The following DRC1 variants were observed in gnomAD, a reference collection of about 807,000 sequenced individuals.
DRC1 encodes dynein regulatory complex subunit 1, also known as dynein regulatory complex protein 1.
DRC1 carries 74 observed loss-of-function variants against 98.7 expected under a neutral mutation model. That is an observed-to-expected ratio of 0.75 (90% CI 0.62 to 0.91). The LOEUF (loss-of-function observed/expected upper bound fraction) is 0.91. DRC1 is among the 40% of genes least tolerant of loss of function. DRC1 has a pLI of 0.00. For missense variants in DRC1, 875 were observed against 886.0 expected, an observed-to-expected ratio of 0.99 and a Z score of 0.16; for synonymous variants, 336 against 334.1, an observed-to-expected ratio of 1.01 and a Z score of -0.06.
chr2:26,409,713 G>A (rs891561995), intron 1 of DRC1, among the ~76,000 whole-genome samples: 3 of 152,146 alleles, frequency 2.0e-5, no homozygotes, highest in Non-Finnish European at 2.9e-5. Flanking sequence ...AGTGAAAACA[G>A]CTTTAAAAGC....
chr2:26,441,390 A>G (rs1285933865), intron 8 of DRC1, among the ~76,000 whole-genome samples: 1 of 152,232 alleles, frequency 6.6e-6, no homozygotes, highest in Admixed American at 6.5e-5. Flanking sequence ...CTTATTACAG[A>G]AAATGATACT....
At chr2:26,453,657 G>T (rs1664068887) in intron 14 of DRC1, 108 bp downstream of exon 14, 6 of 1,158,054 alleles carry the variant, frequency 5.2e-6, no homozygotes, top group Non-Finnish European at 4.9e-6. Flanking sequence ...TGGGCAAGAT[G>T]CGGGGACTAA....
Position 26,402,137 on chromosome 2 carries a change from C to T in DRC1, c.148C>T (p.Arg50Trp). ...CCGCATCGCTGCGCGCTTAGAAGCC[C>T]GGAGGCGGTGAGCGCGGGGGCGGGC... ...RLRIAARLEA[R>W]RREALGEYLD... Residue 50 changes from arginine to tryptophan, a missense_variant, in exon 1 of 17, where the codon CGG becomes TGG. By Grantham distance (101) the Arg-to-Trp change is moderately radical. Transcript: ENST00000288710. The T allele has an allele frequency of 6.2e-7, 1 of 1,605,106 alleles. No individual in the cohort carries two copies. Among genetic ancestry groups the T allele is most frequent in the Non-Finnish European group, 8.5e-7 (1 of 1,176,910 alleles).
chr2:26,409,870 A>G (rs1678541978), intron 1 of DRC1, among the ~76,000 whole-genome samples: 1 of 152,174 alleles, frequency 6.6e-6, no homozygotes, highest in Non-Finnish European at 1.5e-5. Flanking sequence ...CATCTGAGGA[A>G]AGTCTTTAAC....
At chr2:26,420,002 T>C (rs1006886677) in intron 2 of DRC1, among the ~76,000 whole-genome samples, 1 of 152,180 alleles carries the variant, frequency 6.6e-6, no homozygotes, top group Non-Finnish European at 1.5e-5. Context: ...CTTGTTTCTC[T>C]GTCTCAACAG....
At chr2:26,408,184 G>A (rs749813746) in intron 1 of DRC1, among the ~76,000 whole-genome samples, 3 of 152,136 alleles carry the variant, frequency 2.0e-5, no homozygotes, top group Non-Finnish European at 4.4e-5. Flanking sequence ...ACAACCGATT[G>A]GAAAATTAAT....
At chr2:26,448,632 A>T (rs1213669131) in intron 10 of DRC1, 59 bp from the exon 11 acceptor site, 4 of 1,564,536 alleles carry the variant, frequency 2.6e-6, no homozygotes, top group Non-Finnish European at 3.5e-6. Flanking sequence ...CTCAGAGTCA[A>T]CTAGCTCCAG....
Position 26,424,409 on chromosome 2 carries a change from T to G in DRC1, c.495T>G (p.Ala165=), listed in dbSNP as rs7423300. The change falls in exon 4 of 17, where the codon GCT becomes GCG. Residue 165 remains alanine (A), a synonymous_variant. Transcript: ENST00000288710. ...EMLNTQQLHC[A]GLLEDKNKLI... ...TCAATACCCAACAGCTGCACTGTGC[T>G]GGACTCTTAGAAGATAAGAATAAAC... 0.84 allele frequency: 1,358,342 copies of G among 1,613,406 alleles called. 585,512 individuals carry two copies. The highest frequency in any genetic ancestry group is 0.89 in the Non-Finnish European group (1,052,203 of 1,179,958).
At chr2:26,430,396 T>C (rs752329485) in intron 5 of DRC1, 27 of 413,992 alleles carry the variant, frequency 6.5e-5, no homozygotes, top group Middle Eastern at 6.7e-4. Context: ...CCTTGTGAGT[T>C]TCATGCTGCC....
chr2:26,434,586 T>C (rs900557561), intron 7 of DRC1, among the ~76,000 whole-genome samples: 2 of 152,212 alleles, frequency 1.3e-5, no homozygotes, highest in African/African-American at 4.8e-5. Context: ...AAGGAACTTA[T>C]AATCTATTAA....
At chr2:26,405,974 G>A (rs530506304) in intron 1 of DRC1, among the ~76,000 whole-genome samples, 24 of 152,222 alleles carry the variant, frequency 1.6e-4, no homozygotes, top group Non-Finnish European at 3.1e-4. Context: ...TTCTTTATTA[G>A]TGGTTGGGGC....
At chr2:26,440,231 T>C in intron 7 of DRC1, 147 bp from the exon 8 acceptor site, 1 of 1,066,062 alleles carries the variant, frequency 9.4e-7, no homozygotes, top group Non-Finnish European at 1.2e-6. Flanking sequence ...TATGTAAATA[T>C]TTACCTATAT....
At chr2:26,428,268 A>T (rs1014508900) in intron 4 of DRC1, among the ~76,000 whole-genome samples, 1 of 152,266 alleles carries the variant, frequency 6.6e-6, no homozygotes, top group Admixed American at 6.5e-5. Context: ...GCATCACTTA[A>T]TGATGGGGAT....
intron 4 of DRC1, among the ~76,000 whole-genome samples, chr2:26,428,389 T>C (rs903440711): frequency 2.0e-5 from 3 of 152,234 alleles, no homozygotes; most frequent in African/African-American, 7.2e-5. Context: ...GTATATGATA[T>C]AACTAATTGC....
Position 26,431,958 on chromosome 2 carries a change from T to C in DRC1, c.840T>C (p.Asp280=), listed in dbSNP as rs775245970. The change falls in exon 7 of 17, where the codon GAT becomes GAC. Residue 280 remains aspartate, a synonymous_variant. Transcript: ENST00000288710. ...EKQLNRQRIW[D]CEEYNMIKIK... ...AGCTGAACAGGCAGAGGATCTGGGA[T>C]TGCGAAGAATACAACATGATCAAGA... 4 of 1,614,096 alleles carry C rather than the reference T, an allele frequency of 2.5e-6. No individual in the cohort carries two copies. Among genetic ancestry groups the C allele is most frequent in the Non-Finnish European group, 3.4e-6 (4 of 1,180,030 alleles).
At chr2:26,444,689 G>A (rs778484124) in intron 9 of DRC1, 27 bp from the exon 10 acceptor site, 8 of 1,607,312 alleles carry the variant, frequency 5.0e-6, no homozygotes, top group African/African-American at 4.0e-5. Context: ...GGGCCAGCTG[G>A]CCATGCTCTG....
At chr2:26,436,947 G>A (rs565259383) in intron 7 of DRC1, among the ~76,000 whole-genome samples, 15 of 152,148 alleles carry the variant, frequency 9.9e-5, no homozygotes, top group Non-Finnish European at 1.3e-4. Flanking sequence ...CTCCTTCTCT[G>A]TGAGTGCTCA....
At chr2:26,403,945 C>G (rs1678339607) in intron 1 of DRC1, among the ~76,000 whole-genome samples, 1 of 151,674 alleles carries the variant, frequency 6.6e-6, no homozygotes, top group African/African-American at 2.4e-5. Context: ...ATTAAAAATA[C>G]AAAAATTAGC....
At position 26,402,140 on chromosome 2, in the gene DRC1, A is replaced by AGGCGGTGAGCGCGGGGGCG. The variant is rs1678265351; in HGVS notation, c.155+2_155+20dup. ...CATCGCTGCGCGCTTAGAAGCCCGG[A>AGGCGGTGAGCGCGGGGGCG]GGCGGTGAGCGCGGGGGCGGGCGGG... On this transcript the variant is annotated stop_gained and frameshift_variant, in exon 1 of 17. Coordinates refer to ENST00000288710, the MANE Select transcript of DRC1 (RefSeq NM_145038.5). LOFTEE classifies it high-confidence loss of function. The AGGCGGTGAGCGCGGGGGCG allele has an allele frequency of 6.2e-7, 1 of 1,603,840 alleles. No individual in the cohort carries two copies. The highest frequency in any genetic ancestry group is 2.2e-5 in the East Asian group (1 of 44,518).
Sources: allele counts gnomAD v4.1 joint callset (sites outside exome capture counted in the v4.1 genomes callset), GRCh38; gene constraint gnomAD v4.1.1; transcripts MANE v1.5; gene names NCBI Gene and HGNC (gene_info 2026-07-23, HGNC 2026-07-21).